The following KCNH6 variants were observed in gnomAD, a reference collection of about 807,000 sequenced individuals.
KCNH6 encodes potassium voltage-gated channel subfamily H member 6.
Under a neutral mutation model 83.4 loss-of-function variants are expected in KCNH6, and 81 were observed. The observed-to-expected ratio is 0.97, with a 90% confidence interval of 0.81 to 1.17. The LOEUF (loss-of-function observed/expected upper bound fraction) is 1.17. KCNH6 is among the 50% of genes most tolerant of loss of function. The pLI, the probability that KCNH6 is intolerant of heterozygous loss-of-function variation, is 0.00. For missense variants in KCNH6, 1,203 were observed against 1,290.5 expected, an observed-to-expected ratio of 0.93 and a Z score of 1.04; for synonymous variants, 503 against 545.6, an observed-to-expected ratio of 0.92 and a Z score of 1.09.
chr17:63,548,041 A>G (rs2033181912), downstream of KCNH6, among the ~76,000 whole-genome samples: 2 of 150,160 alleles, frequency 1.3e-5, no homozygotes, highest in East Asian at 2.0e-4. Flanking sequence ...TGAGGTGGGC[A>G]GATCACGAGG....
At chr17:63,541,246 T>G (rs1043982801) in intron 8 of KCNH6, among the ~76,000 whole-genome samples, 6 of 151,602 alleles carry the variant, frequency 4.0e-5, no homozygotes, top group Non-Finnish European at 7.4e-5. Context: ...CCCTGGGATA[T>G]TCCCCCTTGC....
At chr17:63,524,988 C>G (rs977905384) in intron 2 of KCNH6, among the ~76,000 whole-genome samples, 1 of 152,154 alleles carries the variant, frequency 6.6e-6, no homozygotes, top group Non-Finnish European at 1.5e-5. Context: ...CCCCCACCCC[C>G]CAGGACCACA....
At chr17:63,529,287 C>T (rs115299714) in intron 2 of KCNH6, among the ~76,000 whole-genome samples, 2 of 152,298 alleles carry the variant, frequency 1.3e-5, no homozygotes, top group African/African-American at 2.4e-5. Flanking sequence ...CCAGAGGGGC[C>T]TGCCCTGCCC....
chr17:63,534,102 A>G lies in KCNH6; in HGVS notation c.892A>G (p.Ser298Gly), dbSNP rs2032312695. Reference sequence around the variant, plus strand: ...GCGTGGGGCCTGCAGCTATACCTGCAGTCCCCTCACTGTGGTGGATCTCAT... The same window carrying G: ...GCGTGGGGCCTGCAGCTATACCTGCGGTCCCCTCACTGTGGTGGATCTCAT... ...SRRGACSYTC[S>G]PLTVVDLIVD... is the part of the protein sequence containing the mutation. The change falls in exon 5 of 13, where the codon AGT becomes GGT. Residue 298 changes from serine to glycine, a missense_variant. Coordinates refer to ENST00000314672, the MANE Select transcript of KCNH6 (RefSeq NM_001278919.2). The surrounding 1 kb of genome is among the most constrained non-coding windows in gnomAD (Gnocchi z 5.0). The G allele has an allele frequency of 6.8e-7, 1 of 1,476,468 alleles. No homozygotes were observed. The highest frequency in any genetic ancestry group is 2.7e-5 in the East Asian group (1 of 37,702). The allele number at this position is 1,476,468 out of a possible 1,614,324, so 91.5% of individuals were successfully genotyped here.
rs2032297333 is a variant in KCNH6, at chr17:63,533,978, G to A, written c.768G>A (p.Lys256=). 6.2e-7 allele frequency: 1 copy of A among 1,614,146 alleles called. No homozygotes were observed. The highest frequency in any genetic ancestry group is 1.3e-5 in the African/African-American group (1 of 75,026). Residue 256 remains lysine, a synonymous_variant, in exon 5 of 13, where the codon AAG becomes AAA. Transcript: ENST00000314672. This position sits in a 1 kb window ranked among gnomAD's most constrained non-coding sequence, Gnocchi z 4.1. The part of the protein sequence containing the change: ...RWTILHYSPF[K]AVWDWLILLL... ...CCATCCTGCACTACAGCCCCTTCAA[G>A]GCCGTGTGGGACTGGCTCATCCTGC... is the stretch of plus-strand genomic sequence containing the variant.
intron 6 of KCNH6, among the ~76,000 whole-genome samples, chr17:63,537,307 G>A (rs1290830945): frequency 6.6e-6 from 1 of 152,180 alleles, no homozygotes; most frequent in Non-Finnish European, 1.5e-5. Flanking sequence ...ACAAGAGTCA[G>A]CGTGGAATTT....
At chr17:63,526,383 T>C (rs906592676) in intron 2 of KCNH6, among the ~76,000 whole-genome samples, 1 of 144,274 alleles carries the variant, frequency 6.9e-6, no homozygotes, top group Non-Finnish European at 1.5e-5. Context: ...TCTGACCTCA[T>C]ATAATCCTTT....
chr17:63,545,967 G>A lies in KCNH6; in HGVS notation c.*65G>A. On this transcript the variant is annotated 3_prime_UTR_variant, in exon 13 of 13. Transcript: ENST00000314672. ...CAAGGTGAGAGTTAAGGATCTTGGG[G>A]AGGTGGCCGGGTGCAGTGGCTCGCC... The A allele has an allele frequency of 6.6e-7, 1 of 1,522,672 alleles. No homozygotes were observed. Among genetic ancestry groups the A allele is most frequent in the Non-Finnish European group, 9.0e-7 (1 of 1,116,632 alleles). The allele number at this position is 1,522,672 out of a possible 1,614,324, so 94.3% of individuals were successfully genotyped here.
In KCNH6 at chr17:63,534,081, G is replaced by A. The variant is rs199983135; in HGVS notation, c.871G>A (p.Gly291Arg). The change falls in exon 5 of 13, where the codon GGG becomes AGG. Residue 291 changes from glycine (G) to arginine (R), a missense_variant. Gly to Arg is a moderately radical substitution (Grantham distance 125). Transcript: ENST00000314672. This position sits in a 1 kb window ranked among gnomAD's most constrained non-coding sequence, Gnocchi z 5.0. ...CAGCGATCAGGACGAATCACGGCGTGGGGCCTGCAGCTATACCTGCAGTCC... is the reference window on the plus strand; with the variant it reads ...CAGCGATCAGGACGAATCACGGCGTAGGGCCTGCAGCTATACCTGCAGTCC... ...LLSDQDESRR[G>R]ACSYTCSPLT... is the part of the protein sequence containing the mutation. 1.9e-6 allele frequency: 3 copies of A among 1,609,326 alleles called. No homozygotes were observed. Among genetic ancestry groups the A allele is most frequent in the Non-Finnish European group, 2.5e-6 (3 of 1,178,892 alleles).
At chr17:63,543,953 C>T in intron 10 of KCNH6, 1 of 945,392 alleles carries the variant, frequency 1.1e-6, no homozygotes, top group Non-Finnish European at 1.6e-6. Context: ...ATCAGGGGGG[C>T]CACTGGGCTG....
At position 63,536,252 on chromosome 17, in the gene KCNH6, A is replaced by G. The variant is rs903475027; in HGVS notation, c.1501+184A>G. 2.3e-5 allele frequency: 14 copies of G among 608,534 alleles called. No individual in the cohort carries two copies. The African/African-American group carries it at 2.4e-4, about 10-fold the overall frequency. 37.7% of individuals were successfully genotyped at this position (608,534 alleles called of 1,614,324 possible). A position where few individuals can be genotyped will look rare whatever the true frequency, so the allele number is the denominator to read the frequency against. ...GCACCAAGTGTATACAATATTTAAC[A>G]CCCACACAGCCCATGCTATCTGCCA... On this transcript the variant is annotated intron_variant, in intron 6 of 12. Transcript: ENST00000314672.
At chr17:63,536,108 G>T (rs950842378) in intron 6 of KCNH6, 40 bp downstream of exon 6, 4 of 1,574,224 alleles carry the variant, frequency 2.5e-6, no homozygotes, top group Non-Finnish European at 3.5e-6. Context: ...TTCATGCTCT[G>T]GTCTTACCCG....
rs1598003419 is a variant in KCNH6, at chr17:63,538,795, T to G, written c.1954+133T>G. ...TACTGGCAGCCACTTGCACAGCATG[T>G]GCCCGGGAGAGCTTTAGACCCAGCT... On this transcript the variant is annotated intron_variant, in intron 8 of 12. Transcript: ENST00000314672. This position sits in a 1 kb window ranked among gnomAD's most constrained non-coding sequence, Gnocchi z 4.0. 2 of 936,932 alleles carry G rather than the reference T, an allele frequency of 2.1e-6. No individual in the cohort carries two copies. Among genetic ancestry groups the G allele is most frequent in the East Asian group, 5.1e-5 (2 of 38,848 alleles). The allele number at this position is 936,932 out of a possible 1,614,324, so 58.0% of individuals were successfully genotyped here. A position where few individuals can be genotyped will look rare whatever the true frequency, so the allele number is the denominator to read the frequency against.
intron 2 of KCNH6, among the ~76,000 whole-genome samples, chr17:63,527,805 G>T (rs1263917978): frequency 2.6e-5 from 4 of 152,100 alleles, no homozygotes; most frequent in Non-Finnish European, 4.4e-5. Context: ...GGGGCAGGGG[G>T]AGAGAGAATG....
At chr17:63,527,801 G>A (rs2031817244) in intron 2 of KCNH6, among the ~76,000 whole-genome samples, 1 of 152,112 alleles carries the variant, frequency 6.6e-6, no homozygotes, top group Non-Finnish European at 1.5e-5. Context: ...ACCTGGGGCA[G>A]GGGGAGAGAG....
In KCNH6 at chr17:63,543,600, C is replaced by T. The variant is rs143949179; in HGVS notation, c.2173C>T (p.Pro725Ser). Residue 725 changes from proline (P) to serine (S), a missense_variant, in exon 10 of 13, where the codon CCC becomes TCC. By Grantham distance (74) the Pro-to-Ser change is moderately conservative (BLOSUM62 -1). Coordinates refer to ENST00000314672, the MANE Select transcript of KCNH6 (RefSeq NM_001278919.2). ...GGCAGCCGGGGGTCTCCACTCATCCCCCCGACAGGCTCCTGGCAGCCAAGA... is the reference window on the plus strand; with the variant it reads ...GGCAGCCGGGGGTCTCCACTCATCCTCCCGACAGGCTCCTGGCAGCCAAGA... Reference protein sequence around the residue: ...RDAAGGLHSSPRQAPGSQDHQ... With the variant: ...RDAAGGLHSSSRQAPGSQDHQ... 1 of 1,613,066 alleles carries T rather than the reference C, an allele frequency of 6.2e-7. No homozygotes were observed. The highest frequency in any genetic ancestry group is 8.5e-7 in the Non-Finnish European group (1 of 1,179,484).
At chr17:63,532,647 G>C (rs780452784) in intron 4 of KCNH6, among the ~76,000 whole-genome samples, 1 of 152,244 alleles carries the variant, frequency 6.6e-6, no homozygotes, top group Non-Finnish European at 1.5e-5. Context: ...GGGACCCTCT[G>C]GTTGAAACTA....
At chr17:63,539,377 C>T (rs2032731784) in intron 8 of KCNH6, among the ~76,000 whole-genome samples, 1 of 152,168 alleles carries the variant, frequency 6.6e-6, no homozygotes, top group Non-Finnish European at 1.5e-5. Flanking sequence ...TCTCCTCGCC[C>T]CTCCTCACCT....
At position 63,523,460 on chromosome 17, in the gene KCNH6, A is replaced by G. The variant is rs566172345; in HGVS notation, c.47A>G (p.Asp16Gly). 2 of 1,607,398 alleles carry G rather than the reference A, an allele frequency of 1.2e-6. No individual in the cohort carries two copies. The highest frequency in any genetic ancestry group is 2.7e-5 in the African/African-American group (2 of 73,990). ...GTCGCTCCCCAAAACACTTACCTGG[A>G]CACCATCATCCGCAAGTTCGAGGGC... is the stretch of plus-strand genomic sequence containing the variant. ...GHVAPQNTYL[D>G]TIIRKFEGQS... Residue 16 changes from aspartate (D) to glycine (G), a missense_variant, in exon 1 of 13, where the codon GAC becomes GGC. By Grantham distance (94) the Asp-to-Gly change is moderately conservative. Coordinates refer to ENST00000314672, the MANE Select transcript of KCNH6 (RefSeq NM_001278919.2). The surrounding 1 kb of genome is among the most constrained non-coding windows in gnomAD (Gnocchi z 4.2).
Sources: gnomAD v4.1 joint callset for allele counts (sites outside exome capture counted in the v4.1 genomes callset) on GRCh38, gnomAD v4.1.1 for gene constraint, Gnocchi (gnomAD v3.1) non-coding constraint, MANE v1.5 for transcripts, NCBI Gene and HGNC (gene_info 2026-07-23, HGNC 2026-07-21) for gene names.